Variants in ACTN2 observed in about 807,000 individuals in gnomAD.
ACTN2 encodes actinin alpha 2.
A neutral mutation model predicts 113.8 loss-of-function variants in ACTN2; 39 were observed. The ratio of observed to expected loss-of-function variants is 0.34; its 90% CI spans 0.27 to 0.45. ACTN2 has a LOEUF of 0.45. Ranked by LOEUF, ACTN2 falls within the 20% of genes least tolerant of loss-of-function variation. The pLI, the probability that ACTN2 is intolerant of heterozygous loss-of-function variation, is 1.00. For synonymous variants in ACTN2, 429 were observed against 444.1 expected (o/e 0.97, Z 0.43); for missense variants, 992 against 1,177.9 (o/e 0.84, Z 2.31).
At chr1:236,753,816 C>T (rs1659469468) in intron 15 of ACTN2, 131 bp from the exon 16 acceptor site, 2 of 1,155,692 alleles carry the variant, frequency 1.7e-6, no homozygotes, top group African/African-American at 3.0e-5. Context: ...CTTCCTTCCC[C>T]CTACACCCTC....
intron 15 of ACTN2, among the ~76,000 whole-genome samples, chr1:236,753,330 G>A (rs768297360): frequency 6.6e-6 from 1 of 152,138 alleles, no homozygotes; most frequent in Non-Finnish European, 1.5e-5. Flanking sequence ...TTACTAACAC[G>A]TTTAAAACCA....
At chr1:236,707,716 T>C (rs1430088350) in intron 1 of ACTN2, among the ~76,000 whole-genome samples, 1 of 134,220 alleles carries the variant, frequency 7.5e-6, no homozygotes, top group Non-Finnish European at 1.6e-5. Context: ...TTTCTTTTTT[T>C]TTTTTTTTTT....
chr1:236,740,034 A>G (rs1387381173), intron 10 of ACTN2, among the ~76,000 whole-genome samples: 1 of 152,120 alleles, frequency 6.6e-6, no homozygotes, highest in Non-Finnish European at 1.5e-5. Flanking sequence ...CCCACGAGCA[A>G]CTTCTTGGCT....
At chr1:236,723,941 G>C (rs1652223) in intron 4 of ACTN2, among the ~76,000 whole-genome samples, 98,610 of 152,044 alleles carry the variant, frequency 0.65, 35,753 homozygotes, top group Non-Finnish European at 0.81. Flanking sequence ...TTGAGGAGCT[G>C]TTTAGATGTG....
At chr1:236,715,077 G>A (rs1470415011) in intron 1 of ACTN2, among the ~76,000 whole-genome samples, 2 of 152,180 alleles carry the variant, frequency 1.3e-5, no homozygotes, top group Non-Finnish European at 2.9e-5. Context: ...ATGGGGTAGG[G>A]CATTGGGTAG....
At chr1:236,694,662 A>G (rs1403561280) in intron 1 of ACTN2, among the ~76,000 whole-genome samples, 1 of 152,140 alleles carries the variant, frequency 6.6e-6, no homozygotes, top group Non-Finnish European at 1.5e-5. Flanking sequence ...TGAGCTCTGA[A>G]TGTGTTAACT....
At chr1:236,713,428 T>C (rs184686246) in intron 1 of ACTN2, among the ~76,000 whole-genome samples, 6 of 152,264 alleles carry the variant, frequency 3.9e-5, no homozygotes, top group African/African-American at 1.4e-4. Flanking sequence ...GGTTTCTCCG[T>C]GTTGGTCAGG....
intron 1 of ACTN2, among the ~76,000 whole-genome samples, chr1:236,711,242 G>A (rs1328037719): frequency 6.6e-6 from 1 of 152,242 alleles, no homozygotes; most frequent in African/African-American, 2.4e-5. Context: ...AATATACATA[G>A]TGAGACTGTC....
At chr1:236,686,922 C>A in intron 1 of ACTN2, 123 bp downstream of exon 1, 1 of 1,128,124 alleles carries the variant, frequency 8.9e-7, no homozygotes, top group Non-Finnish European at 1.1e-6. Flanking sequence ...GCTGTGCTGT[C>A]CTGTGCCCTC....
chr1:236,702,067 G>A (rs943667637), intron 1 of ACTN2, among the ~76,000 whole-genome samples: 1 of 152,336 alleles, frequency 6.6e-6, no homozygotes, highest in Non-Finnish European at 1.5e-5. Context: ...GGATAGGGCA[G>A]TCTGTACCCT....
Position 236,747,763 on chromosome 1 carries a change from A to G in ACTN2, c.1503A>G (p.Arg501=). 4 of 1,613,584 alleles carry G rather than the reference A, an allele frequency of 2.5e-6. No homozygotes were observed. Among genetic ancestry groups the G allele is most frequent in the Non-Finnish European group, 3.4e-6 (4 of 1,179,574 alleles). Residue 501 remains arginine (R), a synonymous_variant, in exon 13 of 21, where the codon AGA becomes AGG. Transcript: ENST00000366578. ...TGGGAACGCTTACTCAGAAGAGGAG[A>G]GAAGCCCTAGAGGTGAAGTATTGAA... ...DRLGTLTQKR[R]EALERMEKLL...
chr1:236,710,754 C>G (rs1420614571), intron 1 of ACTN2, among the ~76,000 whole-genome samples: 1 of 152,148 alleles, frequency 6.6e-6, no homozygotes, highest in Non-Finnish European at 1.5e-5. Flanking sequence ...GTCAGATCAG[C>G]GGCAGCATCA....
At chr1:236,715,735 C>T (rs917284000) in intron 1 of ACTN2, among the ~76,000 whole-genome samples, 3 of 152,136 alleles carry the variant, frequency 2.0e-5, no homozygotes, top group East Asian at 3.9e-4. Context: ...GCAGATGGAT[C>T]ACCTGAAGTC....
chr1:236,736,340 C>T lies in ACTN2; in HGVS notation c.783+620C>T, dbSNP rs138434895. On this transcript the variant is annotated intron_variant, in intron 8 of 20. Coordinates refer to ENST00000366578, the MANE Select transcript of ACTN2 (RefSeq NM_001103.4). ...GCGGAGTATGCATTATTTCAGTGACCGCTGTGAAGCCCATCACTGGGAAAG... is the reference window on the plus strand; with the variant it reads ...GCGGAGTATGCATTATTTCAGTGACTGCTGTGAAGCCCATCACTGGGAAAG... 2.2e-4 allele frequency among the ~76,000 whole-genome samples: 33 copies of T among 152,294 alleles called. No individual in the cohort carries two copies. The East Asian group carries it at 4.6e-3, about 21-fold the overall frequency.
At chr1:236,712,975 G>T (rs1307685517) in intron 1 of ACTN2, among the ~76,000 whole-genome samples, 2 of 149,850 alleles carry the variant, frequency 1.3e-5, no homozygotes, top group Admixed American at 1.3e-4. Context: ...AAAAACTCAG[G>T]TATGTGATTA....
Position 236,731,253 on chromosome 1 carries a change from T to G in ACTN2, c.636T>G (p.Ile212Met). 1 of 1,613,662 alleles carries G rather than the reference T, an allele frequency of 6.2e-7. No individual in the cohort carries two copies. Among genetic ancestry groups the G allele is most frequent in the Non-Finnish European group, 8.5e-7 (1 of 1,179,584 alleles). ...TACAGGATGACCCCATAGGAAATAT[T>G]AACCTGGCCATGGAAATCGCTGAGA... ...KLNKDDPIGN[I>M]NLAMEIAEKH... is the part of the protein sequence containing the mutation. Residue 212 changes from isoleucine to methionine, a missense_variant, in exon 7 of 21, where the codon ATT (isoleucine) becomes ATG (methionine). Around this residue, in one of 3 missense-constraint regions of ACTN2, gnomAD observed 220 missense variants for 337.5 expected, o/e 0.65. Coordinates refer to ENST00000366578, the MANE Select transcript of ACTN2 (RefSeq NM_001103.4).
intron 1 of ACTN2, among the ~76,000 whole-genome samples, chr1:236,696,788 C>T (rs1657515883): frequency 6.6e-6 from 1 of 152,030 alleles, no homozygotes; most frequent in African/African-American, 2.4e-5. Flanking sequence ...ACCTCAGCCT[C>T]CTGAGTAGCT....
intron 1 of ACTN2, among the ~76,000 whole-genome samples, chr1:236,712,593 A>G (rs1658060151): frequency 1.3e-5 from 2 of 152,162 alleles, no homozygotes; most frequent in Non-Finnish European, 2.9e-5. Context: ...CAGGAATTCA[A>G]AGCTGCAGTG....
intron 13 of ACTN2, among the ~76,000 whole-genome samples, chr1:236,748,353 A>G (rs1659297868): frequency 2.0e-5 from 3 of 152,126 alleles, no homozygotes; most frequent in Admixed American, 1.3e-4. Flanking sequence ...CTTTTGAGAT[A>G]ACCCAATATC....
Sources: gnomAD v4.1 joint callset for allele counts (sites outside exome capture counted in the v4.1 genomes callset) on GRCh38, gnomAD v4.1.1 for gene constraint, gnomAD v4.1.1 regional missense constraint, MANE v1.5 for transcripts, NCBI Gene and HGNC (gene_info 2026-07-23, HGNC 2026-07-21) for gene names.